Variants in SNAPC4 observed in about 807,000 individuals in gnomAD.
SNAPC4 encodes snRNA-activating protein complex subunit 4.
In SNAPC4, 127 loss-of-function variants were observed where a neutral mutation model predicts 151.3. The ratio of observed to expected loss-of-function variants is 0.84; its 90% CI spans 0.73 to 0.97. The LOEUF (loss-of-function observed/expected upper bound fraction) is 0.97. Among genes scored for constraint, SNAPC4 ranks in the 50% least tolerant of loss-of-function variants. SNAPC4 has a pLI of 0.00. For missense variants in SNAPC4, 2,186 were observed against 1,935.0 expected, an observed-to-expected ratio of 1.13 and a Z score of -2.43; for synonymous variants, 1,002 against 824.4, an observed-to-expected ratio of 1.22 and a Z score of -3.69.
intron 13 of SNAPC4, among the ~76,000 whole-genome samples, chr9:136,386,474 G>A (rs1348397721): frequency 5.2e-5 from 7 of 135,572 alleles, no homozygotes; most frequent in East Asian, 2.1e-4. Context: ...TTCACTCGTC[G>A]CCCAGGCTAG....
At position 136,377,963 on chromosome 9, in the gene SNAPC4, G is replaced by GC. The variant is rs1564375951; in HGVS notation, c.3863dup (p.Gln1289ProfsTer50). The stretch of plus-strand genomic sequence containing the variant: ...GAAGAGGCACACGCACCCCCCGCTG[G>GC]CCCCCCAGCCACTGCTGTGTGGCCG... On this transcript the variant is annotated frameshift_variant, in exon 22 of 24. Transcript: ENST00000684778. LOFTEE classifies it high-confidence loss of function. The GC allele has an allele frequency of 7.5e-6, 12 of 1,600,716 alleles. No homozygotes were observed. Among genetic ancestry groups the GC allele is most frequent in the Middle Eastern group, 1.8e-4 (1 of 5,494 alleles).
At chr9:136,388,622 G>C in intron 10 of SNAPC4, 31 bp from the exon 11 acceptor site, 3 of 1,613,092 alleles carry the variant, frequency 1.9e-6, no homozygotes, top group South Asian at 2.2e-5. Flanking sequence ...GCAAATGAGT[G>C]TTACTGCGCG....
intron 5 of SNAPC4, 33 bp from the exon 6 acceptor site, chr9:136,394,911 G>A: frequency 6.3e-7 from 1 of 1,579,168 alleles, no homozygotes; most frequent in Non-Finnish European, 8.7e-7. Context: ...CACAAGCACA[G>A]GCCACATGTG....
At chr9:136,391,698 G>C (rs1834079991) in intron 10 of SNAPC4, among the ~76,000 whole-genome samples, 1 of 152,224 alleles carries the variant, frequency 6.6e-6, no homozygotes, top group Non-Finnish European at 1.5e-5. Flanking sequence ...CGGTAAACTG[G>C]GCATGCACCG....
At chr9:136,388,361 T>G in intron 11 of SNAPC4, 83 bp downstream of exon 11, 1 of 1,437,618 alleles carries the variant, frequency 7.0e-7, no homozygotes, top group South Asian at 1.2e-5. Flanking sequence ...GTTGCTTCTC[T>G]GTGAATTTTC....
At chr9:136,382,857 T>C (rs932401239) in intron 16 of SNAPC4, among the ~76,000 whole-genome samples, 9 of 152,250 alleles carry the variant, frequency 5.9e-5, no homozygotes, top group Admixed American at 5.9e-4. Flanking sequence ...GGCCTCCAGG[T>C]GCACAGGCTC....
At chr9:136,387,716 G>A in intron 12 of SNAPC4, 26 bp downstream of exon 12, 11 of 1,493,292 alleles carry the variant, frequency 7.4e-6, no homozygotes, top group Non-Finnish European at 1.0e-5. Flanking sequence ...CCAGAGCCCA[G>A]TTCTCCTAGG....
intron 14 of SNAPC4, 119 bp from the exon 15 acceptor site, chr9:136,384,151 C>G: frequency 5.4e-6 from 4 of 734,446 alleles, no homozygotes; most frequent in Non-Finnish European, 9.0e-6. Context: ...TGTGCACTCT[C>G]ACGCTGGGGG....
intron 10 of SNAPC4, among the ~76,000 whole-genome samples, chr9:136,390,685 A>C (rs11145839): frequency 0.42 from 63,129 of 151,446 alleles, 13,341 homozygotes; most frequent in Admixed American, 0.52. Context: ...ACGGAACCAA[A>C]CTGCACATCC....
Position 136,379,201 on chromosome 9 carries a change from G to A in SNAPC4, c.2626C>T (p.Pro876Ser). Residue 876 changes from proline (P) to serine (S), a missense_variant, in exon 22 of 24, where the codon CCC becomes TCC. By Grantham distance (74) the Pro-to-Ser change is moderately conservative. Transcript: ENST00000684778. ...GTTGAAGCCAGCAGGGACGCCTGGG[G>A]TAGGGTGCGCTCCACCCGGCTGGAC... ...LASSRVERTLPQASLLASTGP... is the reference protein window; with the variant it reads ...LASSRVERTLSQASLLASTGP... 6.2e-7 allele frequency: 1 copy of A among 1,609,314 alleles called. No individual in the cohort carries two copies. Among genetic ancestry groups the A allele is most frequent in the Non-Finnish European group, 8.5e-7 (1 of 1,178,694 alleles).
intron 16 of SNAPC4, among the ~76,000 whole-genome samples, chr9:136,382,751 A>G (rs1833745568): frequency 6.6e-6 from 1 of 152,216 alleles, no homozygotes; most frequent in African/African-American, 2.4e-5. Flanking sequence ...AGACATGGCC[A>G]GAGATGGGCC....
chr9:136,392,142 T>TG, intron 9 of SNAPC4, 36 bp from the exon 10 acceptor site: 1 of 1,608,366 alleles, frequency 6.2e-7, no homozygotes, highest in Non-Finnish European at 8.5e-7. Context: ...TGCAGGCCAC[T>TG]GACCCCAGGG....
chr9:136,377,199 G>A (rs1439737988), intron 22 of SNAPC4, among the ~76,000 whole-genome samples: 3 of 152,216 alleles, frequency 2.0e-5, no homozygotes, highest in African/African-American at 4.8e-5. Context: ...GGGAGCACAC[G>A]TGTGTGTGGC....
rs528836022 is a variant in SNAPC4, at chr9:136,385,559, C to G, written c.1326-745G>C. Among the ~76,000 whole-genome samples the G allele has an allele frequency of 3.4e-4, 46 of 134,852 alleles. No individual in the cohort carries two copies. In the East Asian group the frequency reaches 5.2e-3, roughly 15 times the overall value. The allele number at this position is 134,852 out of a possible 152,430, so 88.5% of individuals were successfully genotyped here. A position where few individuals can be genotyped will look rare whatever the true frequency, so the allele number is the denominator to read the frequency against. ...TATTTATATGAGAATCCCACTCCCC[C>G]CCCTTTTGTTTTTTTTGAGACGGAG... On this transcript the variant is annotated intron_variant, in intron 13 of 23. Transcript: ENST00000684778.
chr9:136,386,314 G>A (rs10781511), intron 13 of SNAPC4, among the ~76,000 whole-genome samples: 34,304 of 151,706 alleles, frequency 0.23, 4,098 homozygotes, highest in Admixed American at 0.27. Context: ...AGATTGGGTT[G>A]TTTTTGTCGT....
At chr9:136,394,709 G>A in intron 6 of SNAPC4, 91 bp downstream of exon 6, 1 of 1,161,820 alleles carries the variant, frequency 8.6e-7, no homozygotes, top group East Asian at 2.3e-5. Context: ...ACAGAGAGAG[G>A]TCTGAGAACT....
intron 6 of SNAPC4, 91 bp from the exon 7 acceptor site, chr9:136,394,421 TG>T (rs1834188748): frequency 1.4e-5 from 17 of 1,214,650 alleles, no homozygotes; most frequent in Non-Finnish European, 1.7e-5. Context: ...GAGGCAGTGG[TG>T]GGGGGCCCCA....
At position 136,383,977 on chromosome 9, in the gene SNAPC4, C is replaced by T. The variant is rs781141620; in HGVS notation, c.1476G>A (p.Leu492=). 22 of 1,613,680 alleles carry T rather than the reference C, an allele frequency of 1.4e-5. No homozygotes were observed. In the East Asian group the frequency reaches 4.9e-4, roughly 36 times the overall value. ...CCCCCATCATGATCTTCCACTTGCT[C>T]AGACACTGGGAGCCAGACCGATGGG... ...ELPHRSGSQC[L]SKWKIMMGKK... Residue 492 remains leucine (L), a synonymous_variant, in exon 15 of 24, where the codon CTG becomes CTA. Transcript: ENST00000684778. The surrounding 1 kb of genome is among the most constrained non-coding windows in gnomAD (Gnocchi z 4.2).
chr9:136,381,769 T>C (rs1436501282), intron 18 of SNAPC4, 55 bp downstream of exon 18: 8 of 1,565,196 alleles, frequency 5.1e-6, no homozygotes, highest in African/African-American at 1.3e-5. Flanking sequence ...CTGGATGTAC[T>C]CTTCATCCTC....
Sources: gnomAD v4.1 joint callset for allele counts (sites outside exome capture counted in the v4.1 genomes callset) on GRCh38, gnomAD v4.1.1 for gene constraint, Gnocchi (gnomAD v3.1) non-coding constraint, MANE v1.5 for transcripts, NCBI Gene and HGNC (gene_info 2026-07-23, HGNC 2026-07-21) for gene names.